Variants in OTOG observed in about 807,000 individuals in gnomAD.
The protein encoded by OTOG is otogelin.
In OTOG, 296 loss-of-function variants were observed where a neutral mutation model predicts 313.8. That is an observed-to-expected ratio of 0.94 (90% CI 0.86 to 1.04). The LOEUF is 1.04. Ranked by LOEUF, OTOG falls within the 50% of genes least tolerant of loss-of-function variation. The pLI is 0.00. For missense variants in OTOG, 3,948 were observed against 3,840.1 expected (o/e 1.03, Z -0.74); for synonymous variants, 1,533 against 1,554.9 (o/e 0.99, Z 0.33).
intron 37 of OTOG, 112 bp downstream of exon 37, chr11:17,612,442 T>C: frequency 7.1e-7 from 1 of 1,417,764 alleles, no homozygotes; most frequent in Non-Finnish European, 9.3e-7. Context: ...GACCCCGACC[T>C]GGCAGATTTC....
At chr11:17,625,341 T>C (rs1853958260) in intron 39 of OTOG, among the ~76,000 whole-genome samples, 1 of 152,192 alleles carries the variant, frequency 6.6e-6, no homozygotes, top group South Asian at 2.1e-4. Flanking sequence ...TAACACGTAG[T>C]TTATTGAGAG....
chr11:17,547,870 T>G, intron 1 of OTOG, 57 bp from the exon 2 acceptor site: 1 of 442,554 alleles, frequency 2.3e-6, no homozygotes, highest in Non-Finnish European at 4.0e-6. Flanking sequence ...GGCCAGGTGG[T>G]GGGAGGCCCC....
intron 15 of OTOG, among the ~76,000 whole-genome samples, chr11:17,563,853 G>GTTTT (rs1565094488): frequency 1.5e-5 from 2 of 133,406 alleles, no homozygotes; most frequent in African/African-American, 6.3e-5. Flanking sequence ...GCTAGTTTTT[G>GTTTT]GTTTTTTTTT....
intron 46 of OTOG, 132 bp downstream of exon 46, chr11:17,635,319 G>T: frequency 2.8e-6 from 2 of 719,502 alleles, no homozygotes; most frequent in Non-Finnish European, 4.5e-6. Flanking sequence ...AGAAGGACAA[G>T]CTCACTGTCC....
In OTOG at chr11:17,641,043, C is replaced by A; in HGVS notation, c.8142C>A (p.Phe2714Leu). The A allele has an allele frequency of 1.3e-6, 2 of 1,540,806 alleles. No individual in the cohort carries two copies. The highest frequency in any genetic ancestry group is 1.8e-6 in the Non-Finnish European group (2 of 1,142,832). ...CTTVLDPLTN[F>L]YQINTTSVLC... The stretch of plus-strand genomic sequence containing the variant: ...CCGTGCTCGACCCTCTCACCAACTT[C>A]TACCAGATCAACACCACCTCCGTGC... Residue 2714 changes from phenylalanine (F) to leucine (L), a missense_variant, in exon 51 of 56, where the codon TTC (phenylalanine) becomes TTA (leucine). Transcript: ENST00000399397.
At chr11:17,626,731 A>G (rs1853994189) in intron 39 of OTOG, among the ~76,000 whole-genome samples, 1 of 152,298 alleles carries the variant, frequency 6.6e-6, no homozygotes, top group Non-Finnish European at 1.5e-5. Context: ...TTTTAACAAC[A>G]TTGATTCTTC....
Position 17,635,706 on chromosome 11 carries a change from A to G in OTOG, c.7790A>G (p.Gln2597Arg), listed in dbSNP as rs1854249088. ...ACGGAACTCTGCTGCCCTCTGTACC[A>G]GTGTGGTGAGTCCTGGCTGGGCACA... is the stretch of plus-strand genomic sequence containing the variant. ...NTTELCCPLY[Q>R]CVCENFRCPQ... is the part of the protein sequence containing the mutation. The change falls in exon 47 of 56, where the codon CAG becomes CGG. Residue 2597 changes from glutamine to arginine, a missense_variant. Physicochemically the swap from Gln to Arg is conservative, Grantham distance 43. Transcript: ENST00000399397. The G allele has an allele frequency of 6.5e-7, 1 of 1,550,188 alleles. No homozygotes were observed.
In OTOG at chr11:17,609,709, C is replaced by A; in HGVS notation, c.4409C>A (p.Pro1470His). The A allele has an allele frequency of 6.5e-7, 1 of 1,531,744 alleles. No individual in the cohort carries two copies. The highest frequency in any genetic ancestry group is 8.8e-7 in the Non-Finnish European group (1 of 1,137,084). 94.9% of individuals were successfully genotyped at this position (1,531,744 alleles called of 1,614,324 possible). A position where few individuals can be genotyped will look rare whatever the true frequency, so the allele number is the denominator to read the frequency against. Residue 1470 changes from proline to histidine, a missense_variant, in exon 36 of 56, where the codon CCT becomes CAT. Coordinates refer to ENST00000399397, the MANE Select transcript of OTOG (RefSeq NM_001292063.2). Reference protein sequence around the residue: ...PTEALGNETLPPSQGLPTPSD... With the variant: ...PTEALGNETLHPSQGLPTPSD... ...GAGGCCCTTGGCAATGAGACCCTCC[C>A]TCCCAGTCAAGGGTTGCCCACTCCC...
intron 9 of OTOG, 106 bp downstream of exon 9, chr11:17,558,421 C>A: frequency 6.6e-7 from 1 of 1,517,578 alleles, no homozygotes; most frequent in Non-Finnish European, 8.9e-7. Context: ...GCCCTTGACC[C>A]CATCCCTCTC....
intron 23 of OTOG, 116 bp downstream of exon 23, chr11:17,578,642 A>G: frequency 1.5e-6 from 2 of 1,307,926 alleles, no homozygotes; most frequent in Middle Eastern, 2.7e-4. Context: ...GCACTGGCCC[A>G]GGCTGGCCAG....
At chr11:17,622,118 G>A (rs1853879680) in intron 39 of OTOG, among the ~76,000 whole-genome samples, 1 of 152,048 alleles carries the variant, frequency 6.6e-6, no homozygotes, top group Admixed American at 6.5e-5. Context: ...GAGAGCCAGG[G>A]GCTTTCCTAG....
Position 17,610,587 on chromosome 11 carries a change from C to T in OTOG, c.5287C>T (p.Pro1763Ser). Residue 1763 changes from proline (P) to serine (S), a missense_variant, in exon 36 of 56, where the codon CCA becomes TCA. By Grantham distance (74) the Pro-to-Ser change is moderately conservative (BLOSUM62 -1). Coordinates refer to ENST00000399397, the MANE Select transcript of OTOG (RefSeq NM_001292063.2). Reference sequence around the variant, plus strand: ...GCATACCACCATGGCCACCAGGTCTCCAGCTCTGCCCCCAGAGACCCCAGC... The same window carrying T: ...GCATACCACCATGGCCACCAGGTCTTCAGCTCTGCCCCCAGAGACCCCAGC... Reference protein sequence around the residue: ...AQHTTMATRSPALPPETPAAA... With the variant: ...AQHTTMATRSSALPPETPAAA... The T allele has an allele frequency of 6.4e-7, 1 of 1,550,642 alleles. No homozygotes were observed. Among genetic ancestry groups the T allele is most frequent in the Non-Finnish European group, 8.7e-7 (1 of 1,146,964 alleles).
Position 17,612,647 on chromosome 11 carries a change from G to A in OTOG, c.6320G>A (p.Ser2107Asn). The change falls in exon 38 of 56, where the codon AGC becomes AAC. Residue 2107 changes from serine to asparagine, a missense_variant. By Grantham distance (46) the Ser-to-Asn change is conservative. Coordinates refer to ENST00000399397, the MANE Select transcript of OTOG (RefSeq NM_001292063.2). ...CGGTGCTCAATCTTCCCTGACCTGA[G>A]CTTCGTGACCTTCGATGGGAGCCAC... ...ACRCSIFPDLSFVTFDGSHVA... is the reference protein window; with the variant it reads ...ACRCSIFPDLNFVTFDGSHVA... The A allele has an allele frequency of 6.4e-7, 1 of 1,550,640 alleles. No homozygotes were observed. Among genetic ancestry groups the A allele is most frequent in the Non-Finnish European group, 8.7e-7 (1 of 1,146,990 alleles).
intron 39 of OTOG, among the ~76,000 whole-genome samples, chr11:17,619,311 G>C (rs1853806098): frequency 6.6e-6 from 1 of 152,048 alleles, no homozygotes; most frequent in Non-Finnish European, 1.5e-5. Context: ...CTTTTGCAGG[G>C]GGTAAATAGT....
rs11825556 is a variant in OTOG, at chr11:17,591,189, G to C, written c.2868-261G>C. Among the ~76,000 whole-genome samples, 66,113 of 152,054 alleles carry C rather than the reference G, an allele frequency of 0.43. 15,482 individuals carry two copies. Among genetic ancestry groups the C allele is most frequent in the African/African-American group, 0.62 (25,759 of 41,464 alleles). On this transcript the variant is annotated intron_variant, in intron 24 of 55. Transcript: ENST00000399397. ...GAATGAATGGAGTGGTAAAGGGAGT[G>C]TAGACTTTGGAGTTAAATAGATCTG...
chr11:17,558,338 C>G (rs1852100162), intron 9 of OTOG, 23 bp downstream of exon 9: 1 of 1,550,054 alleles, frequency 6.5e-7, no homozygotes, highest in East Asian at 2.4e-5. Context: ...GGGAGAAACT[C>G]CCCTACCCTA....
At chr11:17,618,996 AG>A (rs1853799261) in intron 39 of OTOG, among the ~76,000 whole-genome samples, 1 of 152,150 alleles carries the variant, frequency 6.6e-6, no homozygotes, top group Admixed American at 6.5e-5. Flanking sequence ...GCCGGCATGT[AG>A]GCTCATGCCT....
intron 39 of OTOG, among the ~76,000 whole-genome samples, chr11:17,624,227 C>G (rs1019320079): frequency 6.6e-6 from 1 of 152,142 alleles, no homozygotes; most frequent in African/African-American, 2.4e-5. Flanking sequence ...AAATCTTTGC[C>G]GTTTCTGTGT....
At position 17,593,740 on chromosome 11, in the gene OTOG, C is replaced by T. The variant is rs1239345494; in HGVS notation, c.3272C>T (p.Ala1091Val). The T allele has an allele frequency of 1.3e-6, 2 of 1,548,614 alleles. No individual in the cohort carries two copies. Among genetic ancestry groups the T allele is most frequent in the South Asian group, 2.4e-5 (2 of 83,970 alleles). The change falls in exon 27 of 56, where the codon GCT becomes GTT. Residue 1091 changes from alanine (A) to valine (V), a missense_variant. Coordinates refer to ENST00000399397, the MANE Select transcript of OTOG (RefSeq NM_001292063.2). ...WDQRTTVHVQ[A>V]GPQWQGQLAG... ...CAGAGAACCACAGTGCACGTCCAGG[C>T]TGGGCCTCAGTGGCAGGTACTTACA...
Sources: gnomAD v4.1 joint callset for allele counts (sites outside exome capture counted in the v4.1 genomes callset) on GRCh38, gnomAD v4.1.1 for gene constraint, MANE v1.5 for transcripts, NCBI Gene and HGNC (gene_info 2026-07-23, HGNC 2026-07-21) for gene names.